The following CCDC141 variants were observed in gnomAD, a reference collection of about 807,000 sequenced individuals.
The protein encoded by CCDC141 is coiled-coil domain containing 141, also known as coiled-coil domain-containing protein 141.
A neutral mutation model predicts 181.0 loss-of-function variants in CCDC141; 168 were observed. The observed-to-expected ratio is 0.93, with a 90% CI of 0.82 to 1.05. The LOEUF is 1.05. Among genes scored for constraint, CCDC141 ranks in the 50% least tolerant of loss-of-function variants. The probability of loss-of-function intolerance (pLI) is 0.00; values close to 1 mark genes in which losing one functional copy is unlikely to be tolerated. For missense variants in CCDC141, 1,902 were observed against 1,788.5 expected (o/e 1.06, Z -1.14); for synonymous variants, 666 against 642.3 (o/e 1.04, Z -0.56).
At chr2:178,986,100 A>T (rs1263186563) in intron 2 of CCDC141, among the ~76,000 whole-genome samples, 1 of 152,224 alleles carries the variant, frequency 6.6e-6, no homozygotes, top group African/African-American at 2.4e-5. Flanking sequence ...CCAGCAGCAC[A>T]TCAAAAGCTT....
intron 6 of CCDC141, 40 bp from the exon 7 acceptor site, chr2:178,918,947 G>C: frequency 6.7e-7 from 1 of 1,498,632 alleles, no homozygotes. Flanking sequence ...CATCTCCTCT[G>C]TTATGGACCG....
chr2:178,837,451 G>T lies in CCDC141; in HGVS notation c.3768C>A (p.Ser1256Arg), dbSNP rs766789321. 3 of 1,614,102 alleles carry T rather than the reference G, an allele frequency of 1.9e-6. No homozygotes were observed. Among genetic ancestry groups the T allele is most frequent in the Non-Finnish European group, 8.5e-7 (1 of 1,179,982 alleles). The change falls in exon 23 of 24, where the codon AGC becomes AGA. Residue 1256 changes from serine (S) to arginine (R), a missense_variant. Transcript: ENST00000443758. ...CAGATTCCTGGGCATCCCCTGGGCT[G>T]CTGGTCCCAGCCTGCACCCCATAGC... ...ISSYGVQAGT[S>R]SPGDAQESVL...
intron 8 of CCDC141, among the ~76,000 whole-genome samples, chr2:178,892,069 G>A (rs372445654): frequency 1.1e-4 from 17 of 152,148 alleles, no homozygotes; most frequent in African/African-American, 3.4e-4. Context: ...TTGAAATGTC[G>A]TAGTAACAGT....
chr2:179,002,438 G>A (rs1006398787), intron 2 of CCDC141: 9 of 377,390 alleles, frequency 2.4e-5, no homozygotes, highest in South Asian at 1.4e-4. Context: ...ACACCATGAC[G>A]CCTCATCACT....
chr2:178,905,965 G>C (rs187856149), intron 7 of CCDC141, among the ~76,000 whole-genome samples: 1 of 152,210 alleles, frequency 6.6e-6, no homozygotes, highest in African/African-American at 2.4e-5. Flanking sequence ...GCACTGTAGA[G>C]AAATATTCAA....
At chr2:178,918,609 A>C in intron 7 of CCDC141, 104 bp downstream of exon 7, 2 of 866,218 alleles carry the variant, frequency 2.3e-6, no homozygotes, top group Non-Finnish European at 3.4e-6. Context: ...TTGAAATTTT[A>C]CATGGCGTTT....
intron 8 of CCDC141, among the ~76,000 whole-genome samples, chr2:178,899,628 T>C (rs946417347): frequency 9.9e-5 from 15 of 152,178 alleles, no homozygotes; most frequent in Non-Finnish European, 1.9e-4. Flanking sequence ...TTCTTATCCA[T>C]ACCAGTTTTT....
At chr2:178,902,548 G>A (rs962275458) in intron 8 of CCDC141, among the ~76,000 whole-genome samples, 13 of 152,140 alleles carry the variant, frequency 8.5e-5, no homozygotes, top group African/African-American at 2.4e-4. Flanking sequence ...AAACTGGCTA[G>A]CCATATGTAG....
chr2:178,905,631 C>G, intron 7 of CCDC141, 130 bp from the exon 8 acceptor site: 1 of 887,976 alleles, frequency 1.1e-6, no homozygotes, highest in Non-Finnish European at 1.6e-6. Context: ...AAACAACCAT[C>G]TTAATCTTGG....
chr2:178,869,229 T>G lies in CCDC141; in HGVS notation c.2282A>C (p.Lys761Thr), dbSNP rs1201173623. Residue 761 changes from lysine (K) to threonine (T), a missense_variant, in exon 15 of 24, where the codon AAG (lysine) becomes ACG (threonine). Coordinates refer to ENST00000443758, the MANE Select transcript of CCDC141 (RefSeq NM_173648.4). ...LTGRGAPVKE[K>T]SQQLKDLIHF... The stretch of plus-strand genomic sequence containing the variant: ...AATAAGGTCCTTCAGTTGTTGAGAC[T>G]TTTCTTTTACAGGGGCTCCTCTGCC... 1 of 1,613,742 alleles carries G rather than the reference T, an allele frequency of 6.2e-7. No homozygotes were observed. The highest frequency in any genetic ancestry group is 2.2e-5 in the East Asian group (1 of 44,838).
At chr2:178,884,434 A>G (rs1024908684) in intron 11 of CCDC141, among the ~76,000 whole-genome samples, 3 of 152,200 alleles carry the variant, frequency 2.0e-5, no homozygotes, top group Admixed American at 2.0e-4. Flanking sequence ...TGTAAAATAT[A>G]GATTTACTAG....
chr2:178,928,276 G>C (rs1001743885), intron 6 of CCDC141, among the ~76,000 whole-genome samples: 6 of 152,150 alleles, frequency 3.9e-5, no homozygotes, highest in African/African-American at 1.4e-4. Flanking sequence ...GGAGTGGGAA[G>C]CTGAAGCTAG....
intron 2 of CCDC141, among the ~76,000 whole-genome samples, chr2:179,038,681 C>G (rs1367004146): frequency 6.6e-6 from 1 of 152,012 alleles, no homozygotes; most frequent in African/African-American, 2.4e-5. Flanking sequence ...ATTTCTAGCA[C>G]AGAAAATAGA....
intron 8 of CCDC141, 125 bp from the exon 9 acceptor site, chr2:178,888,793 G>A: frequency 2.1e-6 from 2 of 969,490 alleles, no homozygotes; most frequent in South Asian, 3.5e-5. Flanking sequence ...GATAACAGAA[G>A]TTAAGTAGCT....
intron 2 of CCDC141, among the ~76,000 whole-genome samples, chr2:179,045,151 T>A (rs1435413559): frequency 1.2e-4 from 17 of 138,028 alleles, no homozygotes; most frequent in African/African-American, 3.8e-4. Flanking sequence ...CCCAATGCTA[T>A]CCCTCCCCCC....
chr2:178,834,353 T>C lies in CCDC141; in HGVS notation c.4413A>G (p.Val1471=). Residue 1471 remains valine, a synonymous_variant, in exon 24 of 24, where the codon GTA becomes GTG. Coordinates refer to ENST00000443758, the MANE Select transcript of CCDC141 (RefSeq NM_173648.4). The part of the protein sequence containing the change: ...ETRHSVFIPK[V]CKADAGLYVA... The stretch of plus-strand genomic sequence containing the variant: ...CATAGAGGCCTGCGTCTGCCTTGCA[T>C]ACCTTTGGAATGAACACCGAATGCC... 6.5e-7 allele frequency: 1 copy of C among 1,536,300 alleles called. No homozygotes were observed. The highest frequency in any genetic ancestry group is 8.7e-7 in the Non-Finnish European group (1 of 1,146,886).
At chr2:179,021,933 T>C (rs537482274) in intron 2 of CCDC141, among the ~76,000 whole-genome samples, 2 of 152,318 alleles carry the variant, frequency 1.3e-5, no homozygotes, top group South Asian at 4.2e-4. Flanking sequence ...TGCATAGGCC[T>C]AATAAAAGAT....
chr2:179,047,913 T>A (rs1487393627), intron 1 of CCDC141, among the ~76,000 whole-genome samples: 1 of 152,212 alleles, frequency 6.6e-6, no homozygotes, highest in East Asian at 1.9e-4. Flanking sequence ...AAATATCAGA[T>A]GAAGAAATTG....
intron 2 of CCDC141, among the ~76,000 whole-genome samples, chr2:179,015,542 T>TATATCTCTC (rs1445757184): frequency 2.1e-5 from 1 of 46,578 alleles, no homozygotes; most frequent in East Asian, 1.1e-3. Flanking sequence ...ATATATGATA[T>TATATCTCTC]ATATATCTCA....
Sources: allele counts gnomAD v4.1 joint callset (sites outside exome capture counted in the v4.1 genomes callset), GRCh38; gene constraint gnomAD v4.1.1; transcripts MANE v1.5; gene names NCBI Gene and HGNC (gene_info 2026-07-23, HGNC 2026-07-21).